The following PDE1C variants were observed in gnomAD, a reference collection of about 807,000 sequenced individuals.
The protein encoded by PDE1C is phosphodiesterase 1C.
A neutral mutation model predicts 93.1 loss-of-function variants in PDE1C; 62 were observed. The ratio of observed to expected loss-of-function variants is 0.67; its 90% CI spans 0.54 to 0.82. The LOEUF (loss-of-function observed/expected upper bound fraction) is 0.82, where lower values mean the gene tolerates loss of function less well. PDE1C is among the 40% of genes least tolerant of loss of function. The probability of loss-of-function intolerance (pLI) is 0.00; values close to 1 mark genes in which losing one functional copy is unlikely to be tolerated. For missense variants in PDE1C, 742 were observed against 884.6 expected (o/e 0.84, Z 2.04); for synonymous variants, 325 against 310.1 (o/e 1.05, Z -0.50).
the PDE1C span, chr7:31,642,768 G>A: frequency 2.5e-6 from 4 of 1,614,024 alleles, no homozygotes; most frequent in Non-Finnish European, 3.4e-6. Context: ...TATCATCCCA[G>A]GACTGTCAGC....
chr7:32,363,512 T>A (rs1784176667), intron 1 of PDE1C, among the ~76,000 whole-genome samples: 1 of 152,242 alleles, frequency 6.6e-6, no homozygotes, highest in Non-Finnish European at 1.5e-5. Context: ...GAACTGCTTG[T>A]AAAGTCAGGC....
intron 1 of PDE1C, among the ~76,000 whole-genome samples, chr7:32,373,070 T>A (rs172557): frequency 0.93 from 142,340 of 152,316 alleles, 66,795 homozygotes; most frequent in East Asian, 1. Flanking sequence ...CAAAGATTAA[T>A]CATGAAATTA....
intron 2 of PDE1C, among the ~76,000 whole-genome samples, chr7:32,030,158 C>G (rs968025870): frequency 4.0e-5 from 6 of 150,090 alleles, no homozygotes; most frequent in African/African-American, 1.5e-4. Context: ...TCAGGAGGAA[C>G]CTGGGATAAG....
the PDE1C span, among the ~76,000 whole-genome samples, chr7:31,619,998 C>A: frequency 6.6e-6 from 1 of 152,196 alleles, no homozygotes; most frequent in African/African-American, 2.4e-5. Flanking sequence ...CGGAGTCTCG[C>A]TGATTGCTAG....
At chr7:31,707,094 C>A in the PDE1C span, 2 of 931,092 alleles carry the variant, frequency 2.1e-6, no homozygotes, top group Non-Finnish European at 1.6e-6. Context: ...ACCTTGTAGA[C>A]ACTAAGAGGT....
intron 7 of PDE1C, among the ~76,000 whole-genome samples, chr7:31,861,047 T>C (rs1794635414): frequency 6.6e-6 from 1 of 152,180 alleles, no homozygotes; most frequent in Admixed American, 6.5e-5. Context: ...AGTGTTCCAT[T>C]CTCACCAAAC....
intron 1 of PDE1C, among the ~76,000 whole-genome samples, chr7:32,056,573 A>C (rs1005269372): frequency 2.0e-5 from 3 of 152,058 alleles, no homozygotes; most frequent in Non-Finnish European, 4.4e-5. Context: ...CTCATCTGTA[A>C]AATTTGGGTA....
chr7:31,910,458 C>T (rs1801085614), intron 2 of PDE1C, among the ~76,000 whole-genome samples: 1 of 152,194 alleles, frequency 6.6e-6, no homozygotes, highest in Non-Finnish European at 1.5e-5. Flanking sequence ...CCACCCCATA[C>T]TCCAGAAGAC....
At chr7:31,895,577 CTTT>C (rs758713897) in intron 2 of PDE1C, among the ~76,000 whole-genome samples, 1 of 58,386 alleles carries the variant, frequency 1.7e-5, no homozygotes, top group African/African-American at 6.7e-5. Context: ...TAGTTTCTCT[CTTT>C]TCTCTCTCTC....
intron 1 of PDE1C, among the ~76,000 whole-genome samples, chr7:32,244,710 G>A (rs1330689373): frequency 1.3e-5 from 2 of 152,100 alleles, no homozygotes; most frequent in Non-Finnish European, 1.5e-5. Flanking sequence ...GACAATAAAA[G>A]CTCGTGATGT....
intron 1 of PDE1C, among the ~76,000 whole-genome samples, chr7:32,334,566 T>A (rs1010790571): frequency 6.6e-6 from 1 of 152,006 alleles, no homozygotes; most frequent in African/African-American, 2.4e-5. Flanking sequence ...CTATTCATAG[T>A]CTTTTATCCT....
intron 7 of PDE1C, among the ~76,000 whole-genome samples, chr7:31,853,218 A>G (rs1368070935): frequency 1.3e-5 from 2 of 152,196 alleles, no homozygotes; most frequent in Admixed American, 1.3e-4. Flanking sequence ...GGCATTCAAC[A>G]ACAACAACAA....
intron 14 of PDE1C, among the ~76,000 whole-genome samples, chr7:31,821,133 T>C (rs1788913305): frequency 6.6e-6 from 1 of 152,110 alleles, no homozygotes; most frequent in Non-Finnish European, 1.5e-5. Context: ...CCTTTCTTCT[T>C]GTTCCCATTT....
rs189385037 is a variant in PDE1C, at chr7:31,943,030, C to G, written c.129-62170G>C. 1.4e-4 allele frequency among the ~76,000 whole-genome samples: 22 copies of G among 152,190 alleles called. 1 individual carries two copies. In the South Asian group the frequency reaches 2.7e-3, roughly 19 times the overall value. On this transcript the variant is annotated intron_variant, in intron 2 of 17. Coordinates refer to ENST00000396191, the MANE Select transcript of PDE1C (RefSeq NM_001191057.4). ...CTATAGCTGCTGAGGTGAGCCCAGC[C>G]CAGGACCCCAGGAGAAAGGAACCCT... is the stretch of plus-strand genomic sequence containing the variant.
intron 3 of PDE1C, among the ~76,000 whole-genome samples, chr7:32,147,984 T>TTAAAAAAAAAAAAAAAA (rs1801002001): frequency 2.5e-5 from 2 of 79,730 alleles, no homozygotes; most frequent in African/African-American, 5.6e-5. Flanking sequence ...CCATTTATGC[T>TTAAAAAAAAAAAAAAAA]AAAAAAAAAA....
chr7:31,835,377 C>G (rs1046654796), intron 11 of PDE1C, among the ~76,000 whole-genome samples: 2 of 152,104 alleles, frequency 1.3e-5, no homozygotes, highest in African/African-American at 4.8e-5. Context: ...TTTGCGGAGT[C>G]ACCTGTATAG....
chr7:31,853,804 G>A (rs1211775298), intron 7 of PDE1C, among the ~76,000 whole-genome samples: 3 of 151,812 alleles, frequency 2.0e-5, no homozygotes, highest in African/African-American at 4.8e-5. Flanking sequence ...CTGCCCCCAG[G>A]GCTCAAGCAA....
At chr7:32,015,671 A>T (rs541771313) in intron 2 of PDE1C, among the ~76,000 whole-genome samples, 2 of 152,282 alleles carry the variant, frequency 1.3e-5, no homozygotes, top group African/African-American at 4.8e-5. Context: ...TGGAAATTTA[A>T]ATCTTCTATA....
At chr7:31,966,019 G>C (rs1157642203) in intron 2 of PDE1C, among the ~76,000 whole-genome samples, 7 of 152,182 alleles carry the variant, frequency 4.6e-5, no homozygotes, top group Non-Finnish European at 1.0e-4. Flanking sequence ...AAATTGTAAA[G>C]ATCATCAAGG....
Sources: gnomAD v4.1 joint callset for allele counts (sites outside exome capture counted in the v4.1 genomes callset) on GRCh38, gnomAD v4.1.1 for gene constraint, MANE v1.5 for transcripts, NCBI Gene and HGNC (gene_info 2026-07-23, HGNC 2026-07-21) for gene names.